The following NASP variants were observed in gnomAD, a reference collection of about 807,000 sequenced individuals.
The protein encoded by NASP is NASP histone chaperone.
NASP carries 24 observed loss-of-function variants against 89.5 expected under a neutral mutation model. The observed-to-expected ratio is 0.27, with a 90% CI of 0.19 to 0.38. NASP has a LOEUF of 0.38. Ranked by LOEUF, NASP falls within the 10% of genes least tolerant of loss-of-function variation. The pLI, the probability that NASP is intolerant of heterozygous loss-of-function variation, is 1.00. For missense variants in NASP, 848 were observed against 921.4 expected (o/e 0.92, Z 1.03); for synonymous variants, 306 against 324.7 (o/e 0.94, Z 0.62).
chr1:45,602,643 C>A (rs564816095), intron 3 of NASP, among the ~76,000 whole-genome samples: 1 of 152,234 alleles, frequency 6.6e-6, no homozygotes, highest in East Asian at 1.9e-4. Context: ...CTCCCCATCT[C>A]TCCACCCCCG....
intron 1 of NASP, among the ~76,000 whole-genome samples, chr1:45,590,642 G>T (rs1462548578): frequency 2.7e-5 from 4 of 147,150 alleles, no homozygotes; most frequent in Non-Finnish European, 6.0e-5. Context: ...TGCTTTTAAT[G>T]GTATTCAATT....
intron 1 of NASP, among the ~76,000 whole-genome samples, chr1:45,587,185 G>T (rs1032786961): frequency 2.0e-5 from 3 of 150,714 alleles, no homozygotes; most frequent in East Asian, 1.9e-4. Flanking sequence ...TTCTTAGTTG[G>T]TTTTTTTTTG....
chr1:45,606,481 G>C lies in NASP; in HGVS notation c.300-1G>C. Reference sequence around the variant, plus strand: ...TTTGGTGCTTTCTTTTGTTCTCCTAGAATGGAGAATGGTGTGTTGGGAAAC... The same window carrying C: ...TTTGGTGCTTTCTTTTGTTCTCCTACAATGGAGAATGGTGTGTTGGGAAAC... On this transcript the variant is annotated splice_acceptor_variant, in intron 4 of 14. Coordinates refer to ENST00000350030, the MANE Select transcript of NASP (RefSeq NM_002482.4). LOFTEE classifies it high-confidence loss of function. The C allele has an allele frequency of 6.2e-7, 1 of 1,607,934 alleles. No homozygotes were observed. Among genetic ancestry groups the C allele is most frequent in the Non-Finnish European group, 8.5e-7 (1 of 1,174,498 alleles).
intron 5 of NASP, among the ~76,000 whole-genome samples, chr1:45,606,967 C>T (rs1034265703): frequency 3.9e-5 from 6 of 152,134 alleles, no homozygotes; most frequent in African/African-American, 1.4e-4. Context: ...AGCCCTTGTA[C>T]ATTTTTTATG....
intron 4 of NASP, among the ~76,000 whole-genome samples, chr1:45,606,160 A>G (rs1179616520): frequency 6.6e-6 from 1 of 152,206 alleles, no homozygotes; most frequent in African/African-American, 2.4e-5. Context: ...TTGGCTATTT[A>G]GAGAAATCGG....
At chr1:45,602,187 T>C in intron 2 of NASP, 68 bp from the exon 3 acceptor site, 1 of 1,534,160 alleles carries the variant, frequency 6.5e-7, no homozygotes. Flanking sequence ...ATTGCTCAAA[T>C]GTAGCAGGTA....
In NASP at chr1:45,605,025, G is replaced by A. The variant is rs771155933; in HGVS notation, c.299+9G>A. ...CTTCTGGAGTTGGCAAGGTATGGAT[G>A]TTGTATTTAAAAACTGAAGTTTCCT... is the stretch of plus-strand genomic sequence containing the variant. On this transcript the variant is annotated intron_variant, in intron 4 of 14. Coordinates refer to ENST00000350030, the MANE Select transcript of NASP (RefSeq NM_002482.4). 8 of 1,595,956 alleles carry A rather than the reference G, an allele frequency of 5.0e-6. No homozygotes were observed. The highest frequency in any genetic ancestry group is 2.7e-5 in the African/African-American group (2 of 74,418).
intron 1 of NASP, among the ~76,000 whole-genome samples, chr1:45,590,745 A>T (rs1223369564): frequency 3.4e-5 from 4 of 118,750 alleles, no homozygotes; most frequent in African/African-American, 6.5e-5. Flanking sequence ...CATTGTATTT[A>T]AAAAAACCTG....
At chr1:45,586,294 TGTGTGTGTGTGTGTG>T (rs1467563007) in intron 1 of NASP, among the ~76,000 whole-genome samples, 11 of 95,688 alleles carry the variant, frequency 1.1e-4, no homozygotes, top group African/African-American at 4.9e-4. Flanking sequence ...GGTGTGTGTG[TGTGTGTGTGTGTGTG>T]GTGTGTGTGT....
chr1:45,598,846 TG>T (rs1643762310), intron 2 of NASP, among the ~76,000 whole-genome samples: 1 of 152,114 alleles, frequency 6.6e-6, no homozygotes, highest in South Asian at 2.1e-4. Flanking sequence ...ATCTGTAAAG[TG>T]GGGGTAATAA....
At chr1:45,597,298 CTTTTTTTTTT>C (rs71056314) in intron 2 of NASP, among the ~76,000 whole-genome samples, 18 of 99,860 alleles carry the variant, frequency 1.8e-4, no homozygotes, top group East Asian at 7.4e-4. Flanking sequence ...CAGAGCAAGA[CTTTTTTTTTT>C]TTTTTTTTTT....
chr1:45,608,695 G>A (rs914671923), intron 6 of NASP, among the ~76,000 whole-genome samples: 4 of 152,178 alleles, frequency 2.6e-5, no homozygotes, highest in African/African-American at 9.7e-5. Flanking sequence ...AGTGGGCTAG[G>A]CTGGCAGAGA....
At chr1:45,598,003 T>G (rs1643741570) in intron 2 of NASP, among the ~76,000 whole-genome samples, 1 of 152,170 alleles carries the variant, frequency 6.6e-6, no homozygotes, top group Non-Finnish European at 1.5e-5. Context: ...CTGCTACTAC[T>G]TTTGTTCTTA....
chr1:45,588,232 T>C (rs1644586216), intron 1 of NASP, among the ~76,000 whole-genome samples: 1 of 152,026 alleles, frequency 6.6e-6, no homozygotes, highest in Non-Finnish European at 1.5e-5. Flanking sequence ...GCCTCCCAAG[T>C]AGTTGGGATT....
intron 10 of NASP, 38 bp downstream of exon 10, chr1:45,615,239 C>T (rs761412223): frequency 1.2e-6 from 2 of 1,611,524 alleles, no homozygotes; most frequent in South Asian, 2.2e-5. Flanking sequence ...GATGTTGGAT[C>T]CAGCAATTAA....
intron 2 of NASP, among the ~76,000 whole-genome samples, chr1:45,596,883 T>C (rs1355919822): frequency 6.6e-6 from 1 of 151,988 alleles, no homozygotes; most frequent in Non-Finnish European, 1.5e-5. Flanking sequence ...TCAAAGTGGC[T>C]GAGGCAGGAG....
At chr1:45,587,362 G>A (rs1054250026) in intron 1 of NASP, among the ~76,000 whole-genome samples, 6 of 151,232 alleles carry the variant, frequency 4.0e-5, no homozygotes, top group Non-Finnish European at 7.4e-5. Flanking sequence ...AATTTTTTGG[G>A]GTTTTGCCAT....
rs1393229586 is a variant in NASP, at chr1:45,602,368, A to G, written c.218+3A>G. 6.2e-7 allele frequency: 1 copy of G among 1,611,760 alleles called. No individual in the cohort carries two copies. Among genetic ancestry groups the G allele is most frequent in the East Asian group, 2.2e-5 (1 of 44,788 alleles). On this transcript the variant is annotated splice_donor_region_variant and intron_variant, in intron 3 of 14. Coordinates refer to ENST00000350030, the MANE Select transcript of NASP (RefSeq NM_002482.4). ...TTCCAGGAAGCAGCTAGTCTTTTGT[A>G]AGTATTGTATATTTTGCTATGATGT...
At chr1:45,591,194 AT>A (rs779295659) in intron 1 of NASP, 28 bp from the exon 2 acceptor site, 8 of 1,424,998 alleles carry the variant, frequency 5.6e-6, no homozygotes, top group African/African-American at 1.5e-5. Context: ...CCAGTTTTAC[AT>A]TTTTTCCCCT....
Sources: allele counts gnomAD v4.1 joint callset (sites outside exome capture counted in the v4.1 genomes callset), GRCh38; gene constraint gnomAD v4.1.1; transcripts MANE v1.5; gene names NCBI Gene and HGNC (gene_info 2026-07-23, HGNC 2026-07-21).